Variants in PNPLA6 observed in about 807,000 individuals in gnomAD.
PNPLA6 encodes the protein patatin like domain 6, lysophospholipase.
In PNPLA6, 105 loss-of-function variants were observed where a neutral mutation model predicts 153.7. That is an observed-to-expected ratio of 0.68 (90% confidence interval 0.58 to 0.80). The LOEUF (loss-of-function observed/expected upper bound fraction) is 0.80. PNPLA6 is among the 30% of genes least tolerant of loss of function. The pLI is 0.00. For synonymous variants in PNPLA6, 825 were observed against 822.2 expected, an observed-to-expected ratio of 1.00 and a Z score of -0.06; for missense variants, 1,423 against 1,919.3, an observed-to-expected ratio of 0.74 and a Z score of 4.83.
intron 17 of PNPLA6, 118 bp downstream of exon 17, chr19:7,551,225 G>T: frequency 1.1e-6 from 1 of 936,842 alleles, no homozygotes; most frequent in South Asian, 1.4e-5. Flanking sequence ...GGGCCGAAGC[G>T]AGAGAGTGAG....
Position 7,550,424 on chromosome 19 carries a change from G to T in PNPLA6, c.1941G>T (p.Leu647=). 1 of 1,611,388 alleles carries T rather than the reference G, an allele frequency of 6.2e-7. No homozygotes were observed. The highest frequency in any genetic ancestry group is 8.5e-7 in the Non-Finnish European group (1 of 1,179,860). The part of the protein sequence containing the change: ...DWTAVEAGRA[L]YRQGDRSDCT... ...CTGCAGTGGAGGCGGGACGCGCGCTGTACAGGTGCAGCTCCCACCGCGCTG... is the reference window on the plus strand; with the variant it reads ...CTGCAGTGGAGGCGGGACGCGCGCTTTACAGGTGCAGCTCCCACCGCGCTG... The change falls in exon 15 of 32, where the codon CTG becomes CTT. Residue 647 remains leucine (L), a synonymous_variant. Transcript: ENST00000600737.
rs2024078763 is a variant in PNPLA6, at chr19:7,561,048, T to A, written c.3851T>A (p.Leu1284Ter). The A allele has an allele frequency of 2.5e-6, 4 of 1,613,302 alleles. No homozygotes were observed. The highest frequency in any genetic ancestry group is 3.4e-6 in the Non-Finnish European group (4 of 1,179,780). ...TTCCCAAGCTCTGGCTTCACTGACT[T>A]GGCAGAGATTGTGTCCCGGATTGAG... Reference protein sequence around the residue: ...LAFPSSGFTDLAEIVSRIEPP... With the variant: ...LAFPSSGFTD The change falls in exon 30 of 32, where the codon TTG becomes TAG. Residue 1284 changes from leucine (L) to a stop codon, truncating the protein, a stop_gained. Transcript: ENST00000600737. LOFTEE classifies it high-confidence loss of function.
At chr19:7,536,318 G>C (rs747452972) in intron 2 of PNPLA6, 45 bp downstream of exon 2, 2 of 1,503,310 alleles carry the variant, frequency 1.3e-6, no homozygotes, top group Non-Finnish European at 9.3e-7. Context: ...CACAGAGGCC[G>C]CGCCCCTTCC....
In PNPLA6 at chr19:7,535,977, G is replaced by T. The variant is rs550795683; in HGVS notation, c.189G>T (p.Thr63=). 1.3e-6 allele frequency: 2 copies of T among 1,581,160 alleles called. No homozygotes were observed. The highest frequency in any genetic ancestry group is 1.1e-5 in the South Asian group (1 of 87,308). The change falls in exon 1 of 32, where the codon ACG becomes ACT. Residue 63 remains threonine, a synonymous_variant. Transcript: ENST00000600737. This position sits in a 1 kb window ranked among gnomAD's most constrained non-coding sequence, Gnocchi z 5.0. ...GGGCCGGAGTGGCGGTGGTGGTCACGGCCGTGCTCATCCTCCTGGTGGTGC... is the reference window on the plus strand; with the variant it reads ...GGGCCGGAGTGGCGGTGGTGGTCACTGCCGTGCTCATCCTCCTGGTGGTGC... ...MIGAGVAVVV[T]AVLILLVVRR... is the part of the protein sequence containing the mutation.
Position 7,540,341 on chromosome 19 carries a change from G to A in PNPLA6, c.714+33G>A, listed in dbSNP as rs767086941. 6.3e-7 allele frequency: 1 copy of A among 1,587,290 alleles called. No homozygotes were observed. Among genetic ancestry groups the A allele is most frequent in the Non-Finnish European group, 8.6e-7 (1 of 1,169,320 alleles). On this transcript the variant is annotated intron_variant, in intron 5 of 31. Coordinates refer to ENST00000600737, the MANE Select transcript of PNPLA6 (RefSeq NM_001166114.2). The surrounding 1 kb of genome is among the most constrained non-coding windows in gnomAD (Gnocchi z 6.8). ...GGCCTCCCCAGGGGCTGCTGCAGGA[G>A]GATGGGTGGTGGGGATGGGCAGCAG... is the stretch of plus-strand genomic sequence containing the variant.
In PNPLA6 at chr19:7,542,871, G is replaced by C; in HGVS notation, c.1473G>C (p.Gln491His). The change falls in exon 12 of 32, where the codon CAG becomes CAC. Residue 491 changes from glutamine to histidine, a missense_variant. By Grantham distance (24) the Gln-to-His change is conservative. Transcript: ENST00000600737. Reference protein sequence around the residue: ...GCPFGPYQGRQTSSIFEAAKQ... With the variant: ...GCPFGPYQGRHTSSIFEAAKQ... ...CTTTCGGGCCCTACCAGGGCCGCCA[G>C]ACCAGCAGCATCTTCGAGGCAGCAA... 1 of 1,613,254 alleles carries C rather than the reference G, an allele frequency of 6.2e-7. No individual in the cohort carries two copies. Among genetic ancestry groups the C allele is most frequent in the Non-Finnish European group, 8.5e-7 (1 of 1,179,886 alleles).
intron 13 of PNPLA6, among the ~76,000 whole-genome samples, chr19:7,546,215 G>A (rs1257253765): frequency 6.6e-6 from 1 of 152,060 alleles, no homozygotes; most frequent in South Asian, 2.1e-4. Context: ...GAAGAAATAG[G>A]TTGATCTCTA....
At chr19:7,535,679 C>G (rs145823029), upstream of PNPLA6, 21 of 1,530,916 alleles carry the variant, frequency 1.4e-5, no homozygotes, top group Non-Finnish European at 1.8e-5. The surrounding 1 kb of genome is among the most constrained non-coding windows in gnomAD (Gnocchi z 5.0). Context: ...GGCGATAACG[C>G]GCTGCGTCCG....
intron 1 of PNPLA6, 80 bp from the exon 2 acceptor site, chr19:7,536,111 C>G: frequency 6.5e-7 from 1 of 1,543,168 alleles, no homozygotes; most frequent in Non-Finnish European, 9.0e-7. Flanking sequence ...GATTTGCTGG[C>G]GTCTGTTCGC....
chr19:7,535,412 A>G, upstream of PNPLA6: 3 of 909,838 alleles, frequency 3.3e-6, no homozygotes, highest in South Asian at 4.2e-5. This position sits in a 1 kb window ranked among gnomAD's most constrained non-coding sequence, Gnocchi z 5.0. Context: ...GCCACCCCAG[A>G]GGGCAGGGCT....
Position 7,555,316 on chromosome 19 carries a change from G to T in PNPLA6, c.2885G>T (p.Arg962Met), listed in dbSNP as rs1464327433. The change falls in exon 23 of 32, where the codon AGG becomes ATG. Residue 962 changes from arginine to methionine, a missense_variant. Arg to Met is a moderately conservative substitution (Grantham distance 91). This residue lies in a region of PNPLA6 where 643 missense variants were observed against 835.2 expected (regional missense o/e 0.77). Transcript: ENST00000600737. This position sits in a 1 kb window ranked among gnomAD's most constrained non-coding sequence, Gnocchi z 6.3. Reference protein sequence around the residue: ...DRHSDFSRLARVLTGNTIALV... With the variant: ...DRHSDFSRLAMVLTGNTIALV... ...CACAGCGACTTCTCCCGCTTGGCGA[G>T]GGTGCTCACGGGGAACACCATTGCC... The T allele has an allele frequency of 6.3e-7, 1 of 1,578,416 alleles. No homozygotes were observed.
chr19:7,552,174 G>T (rs472709), intron 18 of PNPLA6, among the ~76,000 whole-genome samples: 66,317 of 152,022 alleles, frequency 0.44, 14,869 homozygotes, highest in South Asian at 0.55. Context: ...TCTGTGGATT[G>T]TTGTTTAGGA....
chr19:7,556,990 C>A, intron 26 of PNPLA6, 178 bp from the exon 27 acceptor site: 1 of 738,490 alleles, frequency 1.4e-6, no homozygotes, highest in Non-Finnish European at 2.4e-6. Flanking sequence ...TACGTCCGGG[C>A]CAGCGCCTCC....
intron 21 of PNPLA6, 36 bp downstream of exon 21, chr19:7,554,759 G>C: frequency 6.2e-7 from 1 of 1,606,412 alleles, no homozygotes; most frequent in South Asian, 1.1e-5. Context: ...CACCCACCTC[G>C]GGTCCCGTCC....
intron 26 of PNPLA6, 110 bp from the exon 27 acceptor site, chr19:7,557,058 G>A (rs570953615): frequency 2.0e-5 from 18 of 884,132 alleles, no homozygotes; most frequent in South Asian, 3.9e-5. Context: ...GCTGGTGGAC[G>A]GGTGCTACGT....
chr19:7,561,529 C>T lies in PNPLA6; in HGVS notation c.4065C>T (p.Pro1355=). Residue 1355 remains proline, a synonymous_variant, in exon 32 of 32, where the codon CCC becomes CCT. Coordinates refer to ENST00000600737, the MANE Select transcript of PNPLA6 (RefSeq NM_001166114.2). Reference sequence around the variant, plus strand: ...TTCTCCGGCAACGACGCTGTCTGCCCCAGGAGCCGCCCGGCTCAGCCACAG... The same window carrying T: ...TTCTCCGGCAACGACGCTGTCTGCCTCAGGAGCCGCCCGGCTCAGCCACAG... ...KSILRQRRCL[P]QEPPGSATDA 3 of 1,608,100 alleles carry T rather than the reference C, an allele frequency of 1.9e-6. No homozygotes were observed. Among genetic ancestry groups the T allele is most frequent in the Non-Finnish European group, 2.5e-6 (3 of 1,178,192 alleles).
Position 7,535,960 on chromosome 19 carries a change from G to A in PNPLA6, c.172G>A (p.Val58Met), listed in dbSNP as rs776614485. The A allele has an allele frequency of 6.3e-7, 1 of 1,583,958 alleles. No homozygotes were observed. The highest frequency in any genetic ancestry group is 1.1e-5 in the South Asian group (1 of 87,546). Residue 58 changes from valine to methionine, a missense_variant, in exon 1 of 32, where the codon GTG becomes ATG. Around this residue, in one of 10 missense-constraint regions of PNPLA6, gnomAD observed 109 missense variants for 109.4 expected, o/e 1.00. Coordinates refer to ENST00000600737, the MANE Select transcript of PNPLA6 (RefSeq NM_001166114.2). This position sits in a 1 kb window ranked among gnomAD's most constrained non-coding sequence, Gnocchi z 5.0. ...GCTTGGCGTGATGATCGGGGCCGGAGTGGCGGTGGTGGTCACGGCCGTGCT... is the reference window on the plus strand; with the variant it reads ...GCTTGGCGTGATGATCGGGGCCGGAATGGCGGTGGTGGTCACGGCCGTGCT... ...QVLGVMIGAG[V>M]AVVVTAVLIL...
At position 7,550,287 on chromosome 19, in the gene PNPLA6, T is replaced by C; in HGVS notation, c.1815-11T>C. ...AGGCCTTCCTCTTTCATCCCAAGTC[T>C]GTTCCTGCAGGATCATGCGCGCACA... is the stretch of plus-strand genomic sequence containing the variant. On this transcript the variant is annotated splice_polypyrimidine_tract_variant and intron_variant, in intron 14 of 31. Transcript: ENST00000600737. The C allele has an allele frequency of 6.2e-7, 1 of 1,612,936 alleles. No individual in the cohort carries two copies. The highest frequency in any genetic ancestry group is 1.1e-5 in the South Asian group (1 of 91,088).
In PNPLA6 at chr19:7,535,854, G is replaced by A; in HGVS notation, c.66G>A (p.Gly22=). The change falls in exon 1 of 32, where the codon GGG becomes GGA. Residue 22 remains glycine (G), a synonymous_variant. Transcript: ENST00000600737. This position sits in a 1 kb window ranked among gnomAD's most constrained non-coding sequence, Gnocchi z 5.0. ...GGGCGAAGGTGGCGGAGAGGGATGGGTTCCAGGACGTCCTGGCGCCCGGGG... is the reference window on the plus strand; with the variant it reads ...GGGCGAAGGTGGCGGAGAGGGATGGATTCCAGGACGTCCTGGCGCCCGGGG... ...SSGAKVAERD[G]FQDVLAPGEG... 1.3e-6 allele frequency: 2 copies of A among 1,538,616 alleles called. No individual in the cohort carries two copies. The highest frequency in any genetic ancestry group is 1.7e-6 in the Non-Finnish European group (2 of 1,147,520).
Sources: allele counts gnomAD v4.1 joint callset (sites outside exome capture counted in the v4.1 genomes callset), GRCh38; gene constraint gnomAD v4.1.1; regional missense constraint gnomAD v4.1.1; non-coding constraint Gnocchi (gnomAD v3.1); transcripts MANE v1.5; gene names NCBI Gene and HGNC (gene_info 2026-07-23, HGNC 2026-07-21).